Variants in PARD3B observed in about 807,000 individuals in gnomAD.
The protein encoded by PARD3B is par-3 family cell polarity regulator beta.
In PARD3B, 103 loss-of-function variants were observed where a neutral mutation model predicts 130.2. That is an observed-to-expected ratio of 0.79 (90% confidence interval 0.67 to 0.93). PARD3B has a LOEUF of 0.93. Among genes scored for constraint, PARD3B ranks in the 40% least tolerant of loss-of-function variants. PARD3B has a pLI of 0.00. For synonymous variants in PARD3B, 583 were observed against 553.2 expected, an observed-to-expected ratio of 1.05 and a Z score of -0.76; for missense variants, 1,609 against 1,499.2, an observed-to-expected ratio of 1.07 and a Z score of -1.21.
intron 2 of PARD3B, among the ~76,000 whole-genome samples, chr2:204,875,652 C>G (rs953874080): frequency 6.6e-6 from 1 of 152,280 alleles, no homozygotes; most frequent in South Asian, 2.1e-4. Context: ...TATGTTGTAA[C>G]TCTTTTATCT....
intron 15 of PARD3B, among the ~76,000 whole-genome samples, chr2:205,211,801 T>C (rs2037651018): frequency 6.6e-6 from 1 of 152,136 alleles, no homozygotes; most frequent in Non-Finnish European, 1.5e-5. Flanking sequence ...TGTCCTCTGC[T>C]GATCCAGGAA....
chr2:205,020,765 G>T (rs543372021), intron 3 of PARD3B, among the ~76,000 whole-genome samples: 1 of 152,198 alleles, frequency 6.6e-6, no homozygotes, highest in South Asian at 2.1e-4. Context: ...ACTTCACATT[G>T]GGGATCCTGT....
At chr2:205,138,064 C>T (rs551327443) in intron 10 of PARD3B, among the ~76,000 whole-genome samples, 4 of 152,162 alleles carry the variant, frequency 2.6e-5, no homozygotes, top group Admixed American at 6.5e-5. Context: ...GTTCTATAGC[C>T]GAATAAGTAT....
At position 204,631,469 on chromosome 2, in the gene PARD3B, C is replaced by T. The variant is rs191376517; in HGVS notation, c.121-54712C>T. 1.5e-4 allele frequency among the ~76,000 whole-genome samples: 23 copies of T among 152,182 alleles called. No homozygotes were observed. The East Asian group carries it at 3.3e-3, about 22-fold the overall frequency. On this transcript the variant is annotated intron_variant, in intron 1 of 22. Coordinates refer to ENST00000406610, the MANE Select transcript of PARD3B (RefSeq NM_001302769.2). Reference sequence around the variant, plus strand: ...TTCACCATGTTGGCCAGGATAGTCTCGATCTCTTGACCTCGTGATCTGCGT... The same window carrying T: ...TTCACCATGTTGGCCAGGATAGTCTTGATCTCTTGACCTCGTGATCTGCGT...
At chr2:205,516,697 A>C (rs565891657) in intron 21 of PARD3B, among the ~76,000 whole-genome samples, 2 of 152,264 alleles carry the variant, frequency 1.3e-5, no homozygotes, top group African/African-American at 4.8e-5. Context: ...CTAGGTATAA[A>C]ATCATATCGT....
chr2:205,452,767 T>C (rs1427242478), intron 20 of PARD3B, among the ~76,000 whole-genome samples: 1 of 152,082 alleles, frequency 6.6e-6, no homozygotes, highest in Non-Finnish European at 1.5e-5. Context: ...TGTCCAGGGG[T>C]GACAGATGTA....
intron 2 of PARD3B, among the ~76,000 whole-genome samples, chr2:204,879,550 T>A (rs551823726): frequency 1.3e-5 from 2 of 152,274 alleles, no homozygotes; most frequent in East Asian, 3.9e-4. Context: ...TTAGATTATA[T>A]GGCAATGCTA....
At chr2:205,066,400 G>T (rs560722810) in intron 4 of PARD3B, among the ~76,000 whole-genome samples, 8 of 152,266 alleles carry the variant, frequency 5.3e-5, no homozygotes, top group Non-Finnish European at 8.8e-5. Context: ...ACTGATGGAG[G>T]AACCAATGAA....
chr2:205,185,572 C>G (rs1005272344), intron 13 of PARD3B, among the ~76,000 whole-genome samples, 192 bp from the exon 14 acceptor site: 1 of 152,144 alleles, frequency 6.6e-6, no homozygotes, highest in Non-Finnish European at 1.5e-5. Context: ...AACATATTAG[C>G]AGGCTTAGAT....
intron 3 of PARD3B, among the ~76,000 whole-genome samples, chr2:204,978,153 G>C (rs1286510226): frequency 6.6e-6 from 1 of 152,192 alleles, no homozygotes; most frequent in African/African-American, 2.4e-5. Flanking sequence ...CAGGGGGCCA[G>C]AACAGGGCAT....
At chr2:204,889,992 C>G (rs1420802743) in intron 2 of PARD3B, among the ~76,000 whole-genome samples, 2 of 152,220 alleles carry the variant, frequency 1.3e-5, no homozygotes, top group African/African-American at 4.8e-5. Flanking sequence ...TAATGTGTTT[C>G]TCCTTCTATA....
Position 205,230,637 on chromosome 2 carries a change from G to A in PARD3B, c.2141-15141G>A, listed in dbSNP as rs779182911. On this transcript the variant is annotated intron_variant, in intron 15 of 22. Transcript: ENST00000406610. The surrounding 1 kb of genome is among the most constrained non-coding windows in gnomAD (Gnocchi z 4.1). ...GCAAGCACTGCATTAGCCGCCCAAC[G>A]GCTGTCTCACTAGGTTATTACCCCC... 1.3e-5 allele frequency among the ~76,000 whole-genome samples: 2 copies of A among 152,088 alleles called. No individual in the cohort carries two copies. The highest frequency in any genetic ancestry group is 2.9e-5 in the Non-Finnish European group (2 of 68,030).
At chr2:204,816,931 T>C (rs1421026214) in intron 2 of PARD3B, among the ~76,000 whole-genome samples, 1 of 152,070 alleles carries the variant, frequency 6.6e-6, no homozygotes, top group African/African-American at 2.4e-5. Context: ...AATTGTTTAT[T>C]CCCTCTTTTT....
At chr2:205,387,413 A>G (rs2045699609) in intron 18 of PARD3B, among the ~76,000 whole-genome samples, 1 of 152,024 alleles carries the variant, frequency 6.6e-6, no homozygotes, top group Admixed American at 6.6e-5. Flanking sequence ...TTTCTTACTG[A>G]TGCACTCAAA....
chr2:204,804,358 A>G (rs1321660423), intron 2 of PARD3B, among the ~76,000 whole-genome samples: 3 of 152,226 alleles, frequency 2.0e-5, no homozygotes, highest in African/African-American at 4.8e-5. Context: ...CTATATTTTT[A>G]TAAGACAAAC....
chr2:204,939,417 A>G (rs762269346), intron 2 of PARD3B, among the ~76,000 whole-genome samples: 1 of 152,222 alleles, frequency 6.6e-6, no homozygotes, highest in Non-Finnish European at 1.5e-5. Flanking sequence ...GTTGTGCTAT[A>G]GAGTAGATCA....
intron 2 of PARD3B, among the ~76,000 whole-genome samples, chr2:204,951,961 T>C (rs1689812534): frequency 6.6e-6 from 1 of 152,158 alleles, no homozygotes; most frequent in African/African-American, 2.4e-5. Context: ...AAGGAGATAG[T>C]TTACAGGAAT....
chr2:204,931,214 C>G (rs1459069856), intron 2 of PARD3B, among the ~76,000 whole-genome samples: 3 of 152,210 alleles, frequency 2.0e-5, no homozygotes, highest in Admixed American at 2.0e-4. Context: ...CTTCAAATCC[C>G]ACACCCAACA....
intron 1 of PARD3B, among the ~76,000 whole-genome samples, chr2:204,605,181 T>G (rs1168535767): frequency 6.6e-6 from 1 of 152,166 alleles, no homozygotes; most frequent in Non-Finnish European, 1.5e-5. Flanking sequence ...TGCCACAATC[T>G]GTTGATCAAG....
Sources: gnomAD v4.1 joint callset for allele counts (sites outside exome capture counted in the v4.1 genomes callset) on GRCh38, gnomAD v4.1.1 for gene constraint, Gnocchi (gnomAD v3.1) non-coding constraint, MANE v1.5 for transcripts, NCBI Gene and HGNC (gene_info 2026-07-23, HGNC 2026-07-21) for gene names.